The following ARID2 variants were observed in gnomAD, a reference collection of about 807,000 sequenced individuals.
The protein encoded by ARID2 is AT-rich interactive domain-containing protein 2.
In ARID2, 32 loss-of-function variants were observed where a neutral mutation model predicts 184.6. That is an observed-to-expected ratio of 0.17 (90% CI 0.13 to 0.23). The LOEUF (loss-of-function observed/expected upper bound fraction) is 0.23. Ranked by LOEUF, ARID2 falls within the 10% of genes least tolerant of loss-of-function variation. The pLI, the probability that ARID2 is intolerant of heterozygous loss-of-function variation, is 1.00. For synonymous variants in ARID2, 836 were observed against 772.6 expected, an observed-to-expected ratio of 1.08 and a Z score of -1.36; for missense variants, 1,696 against 2,197.6, an observed-to-expected ratio of 0.77 and a Z score of 4.56.
rs774606715 is a variant in ARID2, at chr12:45,891,769, A to T, written c.4923-11A>T. The T allele has an allele frequency of 3.1e-6, 5 of 1,609,054 alleles. No individual in the cohort carries two copies. The East Asian group carries it at 1.1e-4, about 36-fold the overall frequency. ...ATACATCCAAGTGTCTACTACTTTT[A>T]TTTTTTATAGGTGGTTTCAGACACC... On this transcript the variant is annotated splice_polypyrimidine_tract_variant and intron_variant, in intron 16 of 20. Coordinates refer to ENST00000334344, the MANE Select transcript of ARID2 (RefSeq NM_152641.4).
intron 3 of ARID2, among the ~76,000 whole-genome samples, chr12:45,773,668 C>G (rs559890681): frequency 4.6e-5 from 7 of 151,690 alleles, no homozygotes; most frequent in Non-Finnish European, 1.0e-4. Context: ...AAGATACAAA[C>G]TACCAAAATT....
At chr12:45,893,307 A>G (rs1944327165) in intron 18 of ARID2, 113 bp from the exon 19 acceptor site, 2 of 1,312,762 alleles carry the variant, frequency 1.5e-6, no homozygotes, top group Admixed American at 5.6e-5. Context: ...GTCACCCTGT[A>G]AACACGATTT....
chr12:45,759,836 G>T (rs1035478274), intron 3 of ARID2, among the ~76,000 whole-genome samples: 1 of 152,150 alleles, frequency 6.6e-6, no homozygotes, highest in Non-Finnish European at 1.5e-5. Context: ...GGGACTACAG[G>T]CATGCAAGCG....
chr12:45,790,162 T>C (rs1324800592), intron 3 of ARID2, among the ~76,000 whole-genome samples: 2 of 152,182 alleles, frequency 1.3e-5, no homozygotes, highest in Non-Finnish European at 2.9e-5. Flanking sequence ...AGTTTATTAG[T>C]ACTTTTATTA....
In ARID2 at chr12:45,776,513, A is replaced by G. The variant is rs73290797; in HGVS notation, c.285-34905A>G. On this transcript the variant is annotated intron_variant, in intron 3 of 20. Coordinates refer to ENST00000334344, the MANE Select transcript of ARID2 (RefSeq NM_152641.4). The stretch of plus-strand genomic sequence containing the variant: ...AGGTGTTTATATAAATCACTATTTT[A>G]AAAAAGCCCTCAAAATATTTAATTT... Among the ~76,000 whole-genome samples the G allele has an allele frequency of 5.4e-3, 816 of 152,336 alleles. 6 individuals carry two copies. Among genetic ancestry groups the G allele is most frequent in the African/African-American group, 0.019 (776 of 41,576 alleles).
At chr12:45,811,226 C>T (rs1942701742) in intron 3 of ARID2, among the ~76,000 whole-genome samples, 192 bp from the exon 4 acceptor site, 1 of 150,850 alleles carries the variant, frequency 6.6e-6, no homozygotes, top group South Asian at 2.1e-4. Context: ...AAAAAAAGAA[C>T]CATTGCATTG....
At chr12:45,886,512 G>C (rs1944194481) in intron 16 of ARID2, among the ~76,000 whole-genome samples, 2 of 152,220 alleles carry the variant, frequency 1.3e-5, no homozygotes, top group Admixed American at 1.3e-4. Flanking sequence ...GCTCCACTAG[G>C]TAGTGTCCCA....
intron 3 of ARID2, among the ~76,000 whole-genome samples, chr12:45,758,648 A>T (rs1333022708): frequency 6.6e-6 from 1 of 152,204 alleles, no homozygotes; most frequent in East Asian, 1.9e-4. Flanking sequence ...CTGATAATGT[A>T]GCTTTGTGGA....
intron 16 of ARID2, among the ~76,000 whole-genome samples, chr12:45,876,917 A>G (rs564610750): frequency 9.3e-4 from 141 of 151,620 alleles, no homozygotes; most frequent in African/African-American, 3.3e-3. Context: ...GTGAAAACTC[A>G]TCTCTACTAA....
intron 16 of ARID2, among the ~76,000 whole-genome samples, chr12:45,864,776 T>C (rs572022977): frequency 1.9e-4 from 29 of 152,204 alleles, no homozygotes; most frequent in Non-Finnish European, 1.6e-4. Context: ...TTCAGAACAT[T>C]ATTTCATTAA....
intron 3 of ARID2, among the ~76,000 whole-genome samples, chr12:45,739,438 C>T (rs368282368): frequency 2.0e-3 from 177 of 90,708 alleles, no homozygotes; most frequent in African/African-American, 2.5e-3. Flanking sequence ...TATAAAGTTA[C>T]TTTTTTTTTT....
intron 16 of ARID2, among the ~76,000 whole-genome samples, chr12:45,862,516 G>A (rs890792044): frequency 1.1e-4 from 17 of 152,026 alleles, no homozygotes; most frequent in African/African-American, 4.1e-4. Flanking sequence ...TGATGGAATG[G>A]GTAGTGTGCT....
rs1252347210 is a variant in ARID2 at position 45,852,731 on chromosome 12, T to C, written c.4608T>C (p.Val1536=). 6.2e-7 allele frequency: 1 copy of C among 1,614,138 alleles called. No homozygotes were observed. The highest frequency in any genetic ancestry group is 1.7e-5 in the Admixed American group (1 of 60,010). ...CAGGAATTCCAAATAAAGTAGGAGT[T>C]AGAATTGTTACAATCAGTGACCCCA... ...TVAGIPNKVG[V]RIVTISDPNN... Residue 1536 remains valine (V), a synonymous_variant, in exon 15 of 21, where the codon GTT becomes GTC. Coordinates refer to ENST00000334344, the MANE Select transcript of ARID2 (RefSeq NM_152641.4).
At position 45,788,665 on chromosome 12, in the gene ARID2, A is replaced by T. The variant is rs192496788; in HGVS notation, c.285-22753A>T. ...AAAATTTCAAGGAAATTTCTTTTGT[A>T]TTCCCCAAACTGAAGGTTTCTACCA... On this transcript the variant is annotated intron_variant, in intron 3 of 20. Coordinates refer to ENST00000334344, the MANE Select transcript of ARID2 (RefSeq NM_152641.4). Among the ~76,000 whole-genome samples the T allele has an allele frequency of 9.9e-5, 15 of 152,274 alleles. No homozygotes were observed. The East Asian group carries it at 2.7e-3, about 27-fold the overall frequency.
chr12:45,894,844 C>CT (rs1290410570), intron 20 of ARID2, among the ~76,000 whole-genome samples: 1 of 151,906 alleles, frequency 6.6e-6, no homozygotes, highest in Non-Finnish European at 1.5e-5. Flanking sequence ...CTTCTAACCT[C>CT]TTTTTTGTTT....
chr12:45,868,241 G>GC (rs1943862167), intron 16 of ARID2, among the ~76,000 whole-genome samples: 1 of 152,178 alleles, frequency 6.6e-6, no homozygotes, highest in South Asian at 2.1e-4. Context: ...AGGAGTTCGA[G>GC]ACCAGCCTGG....
intron 3 of ARID2, among the ~76,000 whole-genome samples, chr12:45,776,707 T>C (rs369114366): frequency 6.6e-6 from 1 of 151,262 alleles, no homozygotes. Context: ...CCCAGCACTT[T>C]GGGAGGCCAA....
rs781516370 is a variant in ARID2, at chr12:45,852,482, T to G, written c.4359T>G (p.Ala1453=). The G allele has an allele frequency of 1.2e-6, 2 of 1,614,160 alleles. No individual in the cohort carries two copies. Among genetic ancestry groups the G allele is most frequent in the Admixed American group, 3.3e-5 (2 of 60,016 alleles). The stretch of plus-strand genomic sequence containing the variant: ...CTGATTTGCTTAATGGACCTCTAGC[T>G]TCAAGTTTGAATTCAGATGTGCCTC... ...SGTDLLNGPL[A]SSLNSDVPQQ... Residue 1453 remains alanine, a synonymous_variant, in exon 15 of 21, where the codon GCT becomes GCG. Transcript: ENST00000334344.
chr12:45,805,740 C>G (rs1363010435), intron 3 of ARID2, among the ~76,000 whole-genome samples: 1 of 152,072 alleles, frequency 6.6e-6, no homozygotes, highest in African/African-American at 2.4e-5. Context: ...ACACATCTAT[C>G]ACCTTACCTA....
Sources: allele counts gnomAD v4.1 joint callset (sites outside exome capture counted in the v4.1 genomes callset), GRCh38; gene constraint gnomAD v4.1.1; transcripts MANE v1.5; gene names NCBI Gene and HGNC (gene_info 2026-07-23, HGNC 2026-07-21).